AGRN: variants seen among roughly 807,000 people sequenced by gnomAD.
The protein encoded by AGRN is agrin.
A neutral mutation model predicts 211.0 loss-of-function variants in AGRN; 106 were observed. That is an observed-to-expected ratio of 0.50 (90% confidence interval 0.43 to 0.59). AGRN has a LOEUF of 0.59. Ranked by LOEUF, AGRN falls within the 20% of genes least tolerant of loss-of-function variation. The pLI is 0.00. For synonymous variants in AGRN, 1,525 were observed against 1,332.5 expected (o/e 1.14, Z -3.15); for missense variants, 3,040 against 2,982.6 (o/e 1.02, Z -0.45).
At position 1,043,578 on chromosome 1, in the gene AGRN, C is replaced by G; in HGVS notation, c.1644C>G (p.Ala548=). ...GQCRFGALCE[A]ETGRCVCPSE... is the part of the protein sequence containing the mutation. The stretch of plus-strand genomic sequence containing the variant: ...GCCGCTTTGGAGCCCTGTGCGAGGC[C>G]GAGACCGGGCGCTGCGTGTGCCCCT... Residue 548 remains alanine (A), a synonymous_variant, in exon 9 of 36, where the codon GCC becomes GCG. Coordinates refer to ENST00000379370, the MANE Select transcript of AGRN (RefSeq NM_198576.4). 6.2e-7 allele frequency: 1 copy of G among 1,605,126 alleles called. No homozygotes were observed. The highest frequency in any genetic ancestry group is 8.5e-7 in the Non-Finnish European group (1 of 1,179,798).
At chr1:1,051,672 G>C (rs953289501) in intron 32 of AGRN, 27 bp downstream of exon 32, 6 of 1,612,956 alleles carry the variant, frequency 3.7e-6, no homozygotes, top group Non-Finnish European at 4.2e-6. Context: ...GCAGGGGGCG[G>C]AGGCCGGATG....
intron 3 of AGRN, among the ~76,000 whole-genome samples, chr1:1,039,577 G>A (rs1644880744): frequency 6.6e-6 from 1 of 151,712 alleles, no homozygotes; most frequent in Non-Finnish European, 1.5e-5. Context: ...GGTGGGCCAT[G>A]CTGGGGGTGG....
At chr1:1,029,784 C>CAGCATGTGT (rs1644613839) in intron 2 of AGRN, among the ~76,000 whole-genome samples, 1 of 68,274 alleles carries the variant, frequency 1.5e-5, no homozygotes, top group Non-Finnish European at 2.9e-5. Flanking sequence ...AGTGTGAGAT[C>CAGCATGTGT]GTGTGTGTGT....
intron 2 of AGRN, among the ~76,000 whole-genome samples, chr1:1,029,543 A>G (rs1319723119): frequency 6.6e-6 from 1 of 150,526 alleles, no homozygotes; most frequent in East Asian, 1.9e-4. Context: ...GTGGGGGTCA[A>G]GGAGCAGGGG....
At position 1,048,547 on chromosome 1, in the gene AGRN, G is replaced by T. The variant is rs1645169386; in HGVS notation, c.4105+182G>T. The T allele has an allele frequency of 6.5e-6, 4 of 613,280 alleles. No homozygotes were observed. Among genetic ancestry groups the T allele is most frequent in the South Asian group, 4.6e-5 (2 of 43,222 alleles). 38.0% of individuals were successfully genotyped at this position (613,280 alleles called of 1,614,324 possible). A position where few individuals can be genotyped will look rare whatever the true frequency, so the allele number is the denominator to read the frequency against. The stretch of plus-strand genomic sequence containing the variant: ...GCACTTTGGGAGGCCGAGGCAGGCG[G>T]ATCACCTGAGGTCGGGAGTTCGAGA... On this transcript the variant is annotated intron_variant, in intron 23 of 35. Coordinates refer to ENST00000379370, the MANE Select transcript of AGRN (RefSeq NM_198576.4). This position sits in a 1 kb window ranked among gnomAD's most constrained non-coding sequence, Gnocchi z 5.9.
intron 7 of AGRN, 119 bp downstream of exon 7, chr1:1,042,281 T>C: frequency 2.3e-6 from 3 of 1,282,120 alleles, no homozygotes; most frequent in Non-Finnish European, 3.2e-6. Flanking sequence ...AGTGGGCCGG[T>C]CCCTCTGGGA....
At position 1,043,737 on chromosome 1, in the gene AGRN, G is replaced by A. The variant is rs945452107; in HGVS notation, c.1798+5G>A. 3.7e-6 allele frequency: 6 copies of A among 1,601,392 alleles called. No individual in the cohort carries two copies. The African/African-American group carries it at 6.7e-5, about 18-fold the overall frequency. On this transcript the variant is annotated splice_donor_5th_base_variant and intron_variant, in intron 9 of 35. Coordinates refer to ENST00000379370, the MANE Select transcript of AGRN (RefSeq NM_198576.4). ...TGGCCTCAGCTGGACCCTGTGGTGA[G>A]TGAGGCCCTGGGGCCGGGCGGGCCA... is the stretch of plus-strand genomic sequence containing the variant.
At chr1:1,051,096 T>C (rs980132643) in intron 30 of AGRN, 157 bp from the exon 31 acceptor site, 86 of 1,543,942 alleles carry the variant, frequency 5.6e-5, no homozygotes, top group Admixed American at 3.0e-4. Flanking sequence ...ACCCCTAGGG[T>C]AGCTCCTCCC....
At chr1:1,034,662 C>T (rs985484288) in intron 2 of AGRN, 10 of 988,866 alleles carry the variant, frequency 1.0e-5, no homozygotes, top group African/African-American at 3.5e-5. Flanking sequence ...CTGCTGGCCA[C>T]CGCCACGCTC....
intron 33 of AGRN, chr1:1,053,442 C>T: frequency 6.9e-7 from 1 of 1,442,028 alleles, no homozygotes; most frequent in Non-Finnish European, 9.3e-7. Context: ...ACCCGCCTCC[C>T]TCTCTTCCTG....
At chr1:1,020,990 C>T (rs568254931) in intron 1 of AGRN, among the ~76,000 whole-genome samples, 125 of 152,170 alleles carry the variant, frequency 8.2e-4, no homozygotes, top group Non-Finnish European at 1.4e-3. Flanking sequence ...CTGGTTTCTC[C>T]TTCAGGTGCT....
In AGRN at chr1:1,055,988, C is replaced by T. The variant is rs545847400; in HGVS notation, c.*1007C>T. 2.0e-5 allele frequency: 3 copies of T among 152,418 alleles called. No homozygotes were observed. The South Asian group carries it at 6.2e-4, about 32-fold the overall frequency. The allele number at this position is 152,418 out of a possible 1,614,324, so 9.4% of individuals were successfully genotyped here. A position where few individuals can be genotyped will look rare whatever the true frequency, so the allele number is the denominator to read the frequency against. ...CCCACCCCCATCCCATCCCCACCCC[C>T]AGCCCCAGCCCAGTCCTCCTAGGAG... On this transcript the variant is annotated 3_prime_UTR_variant, in exon 36 of 36. Coordinates refer to ENST00000379370, the MANE Select transcript of AGRN (RefSeq NM_198576.4).
intron 12 of AGRN, among the ~76,000 whole-genome samples, 177 bp downstream of exon 12, chr1:1,044,616 CGT>C (rs1026175956): frequency 6.6e-6 from 1 of 152,038 alleles, no homozygotes; most frequent in African/African-American, 2.4e-5. Flanking sequence ...CGTGTGTGGG[CGT>C]GTGTGTCCAT....
intron 2 of AGRN, among the ~76,000 whole-genome samples, chr1:1,028,232 T>C (rs1185124593): frequency 6.6e-6 from 1 of 151,488 alleles, no homozygotes; most frequent in Non-Finnish European, 1.5e-5. Flanking sequence ...AGTCGTCAGC[T>C]GCCGTGACCC....
At chr1:1,023,617 G>A (rs1251686221) in intron 2 of AGRN, among the ~76,000 whole-genome samples, 1 of 152,180 alleles carries the variant, frequency 6.6e-6, no homozygotes. Flanking sequence ...GCGAGGAGAG[G>A]TTCCTGTCCC....
Position 1,055,719 on chromosome 1 carries a change from G to C in AGRN, c.*738G>C, listed in dbSNP as rs1645433753. The C allele has an allele frequency of 6.5e-6, 1 of 154,430 alleles. No homozygotes were observed. The highest frequency in any genetic ancestry group is 1.4e-5 in the Non-Finnish European group (1 of 69,588). 9.6% of individuals were successfully genotyped at this position (154,430 alleles called of 1,614,324 possible). A position where few individuals can be genotyped will look rare whatever the true frequency, so the allele number is the denominator to read the frequency against. ...TGGGTATCTGGGCCTGGCCATGGCTGTGTTCTTCATGTGTTGATTTTATTT... is the reference window on the plus strand; with the variant it reads ...TGGGTATCTGGGCCTGGCCATGGCTCTGTTCTTCATGTGTTGATTTTATTT... On this transcript the variant is annotated 3_prime_UTR_variant, in exon 36 of 36. Transcript: ENST00000379370.
In AGRN at chr1:1,046,146, G is replaced by T. The variant is rs898194511; in HGVS notation, c.2806-14G>T. The T allele has an allele frequency of 2.5e-6, 4 of 1,613,816 alleles. No homozygotes were observed. The African/African-American group carries it at 4.0e-5, about 16-fold the overall frequency. On this transcript the variant is annotated splice_polypyrimidine_tract_variant and intron_variant, in intron 16 of 35. Transcript: ENST00000379370. ...AGGAGGCCTCGCCTTGAACATCCTTGTTCTCTGCCCCAGGTCTGTGGGTCA... is the reference window on the plus strand; with the variant it reads ...AGGAGGCCTCGCCTTGAACATCCTTTTTCTCTGCCCCAGGTCTGTGGGTCA...
intron 2 of AGRN, among the ~76,000 whole-genome samples, chr1:1,029,126 C>T (rs1337909596): frequency 2.6e-5 from 4 of 151,960 alleles, no homozygotes; most frequent in East Asian, 1.9e-4. Context: ...CCGAAGGAAC[C>T]GAGCCCCAGC....
At chr1:1,035,150 G>C in intron 2 of AGRN, 127 bp from the exon 3 acceptor site, 1 of 1,103,678 alleles carries the variant, frequency 9.1e-7, no homozygotes, top group Middle Eastern at 2.9e-4. Flanking sequence ...TCAGCAGCCT[G>C]GATCCCTGGG....
Sources: allele counts gnomAD v4.1 joint callset (sites outside exome capture counted in the v4.1 genomes callset), GRCh38; gene constraint gnomAD v4.1.1; non-coding constraint Gnocchi (gnomAD v3.1); transcripts MANE v1.5; gene names NCBI Gene and HGNC (gene_info 2026-07-23, HGNC 2026-07-21).